The following VPS13B variants were observed in gnomAD, a reference collection of about 807,000 sequenced individuals.
The protein encoded by VPS13B is vacuolar protein sorting 13 homolog B.
VPS13B carries 285 observed loss-of-function variants against 426.4 expected under a neutral mutation model. That is an observed-to-expected ratio of 0.67 (90% CI 0.61 to 0.74). VPS13B has a LOEUF of 0.74. Ranked by LOEUF, VPS13B falls within the 30% of genes least tolerant of loss-of-function variation. The pLI is 0.00. For synonymous variants in VPS13B, 1,676 were observed against 1,676.4 expected, an observed-to-expected ratio of 1.00 and a Z score of 0.01; for missense variants, 4,537 against 4,782.6, an observed-to-expected ratio of 0.95 and a Z score of 1.51.
chr8:99,744,422 G>A (rs1809954422), intron 39 of VPS13B, among the ~76,000 whole-genome samples: 1 of 152,116 alleles, frequency 6.6e-6, no homozygotes, highest in African/African-American at 2.4e-5. Flanking sequence ...CGATTCCTCA[G>A]GGATCTAGAA....
intron 35 of VPS13B, among the ~76,000 whole-genome samples, chr8:99,690,414 C>T (rs1831604407): frequency 6.6e-6 from 1 of 152,096 alleles, no homozygotes; most frequent in South Asian, 2.1e-4. Context: ...CTTGGTATGA[C>T]ACCAAAAGCA....
At chr8:99,742,880 G>A (rs1809829852) in intron 39 of VPS13B, among the ~76,000 whole-genome samples, 1 of 152,090 alleles carries the variant, frequency 6.6e-6, no homozygotes, top group African/African-American at 2.4e-5. Context: ...TACTGAATGG[G>A]CAAAAACTGG....
chr8:99,337,000 A>G (rs1469024298), intron 19 of VPS13B, among the ~76,000 whole-genome samples: 1 of 152,170 alleles, frequency 6.6e-6, no homozygotes, highest in Non-Finnish European at 1.5e-5. Context: ...TGACCCAGCC[A>G]TCCCATTACT....
At chr8:99,692,077 C>A (rs1320199994) in intron 35 of VPS13B, among the ~76,000 whole-genome samples, 1 of 145,508 alleles carries the variant, frequency 6.9e-6, no homozygotes, top group East Asian at 2.1e-4. Context: ...GACTTAGACT[C>A]CCACACATTA....
intron 19 of VPS13B, among the ~76,000 whole-genome samples, chr8:99,287,696 C>T (rs1819521325): frequency 6.6e-6 from 1 of 151,720 alleles, no homozygotes; most frequent in Admixed American, 6.6e-5. Flanking sequence ...AAGTAAGAAG[C>T]ACAAATGATC....
At chr8:99,422,160 C>G (rs1816413078) in intron 21 of VPS13B, among the ~76,000 whole-genome samples, 1 of 152,138 alleles carries the variant, frequency 6.6e-6, no homozygotes, top group Admixed American at 6.6e-5. Flanking sequence ...ACAAACTTGA[C>G]TATCATCATT....
chr8:99,513,511 T>G (rs1821902949), intron 29 of VPS13B, among the ~76,000 whole-genome samples: 1 of 152,180 alleles, frequency 6.6e-6, no homozygotes, highest in Non-Finnish European at 1.5e-5. Flanking sequence ...ATCTAATTGG[T>G]AGACTTTTTT....
At position 99,434,783 on chromosome 8, in the gene VPS13B, G is replaced by A. The variant is rs368607305; in HGVS notation, c.3210+3119G>A. 2.6e-5 allele frequency among the ~76,000 whole-genome samples: 4 copies of A among 152,186 alleles called. No homozygotes were observed. In the South Asian group the frequency reaches 6.2e-4, roughly 24 times the overall value. Reference sequence around the variant, plus strand: ...GTGTAATTAACTCTTAGCTTGCAGAGTTATGACTCTTTTAGGGATATCAGC... The same window carrying A: ...GTGTAATTAACTCTTAGCTTGCAGAATTATGACTCTTTTAGGGATATCAGC... On this transcript the variant is annotated intron_variant, in intron 22 of 61. Coordinates refer to ENST00000357162, the MANE Select transcript of VPS13B (RefSeq NM_152564.5).
intron 25 of VPS13B, among the ~76,000 whole-genome samples, chr8:99,490,057 T>C (rs180977252): frequency 3.2e-4 from 48 of 152,272 alleles, no homozygotes; most frequent in Middle Eastern, 3.4e-3. Flanking sequence ...AAATAGCTCT[T>C]ATTTTGAGAT....
intron 17 of VPS13B, among the ~76,000 whole-genome samples, chr8:99,254,768 G>C (rs564476339): frequency 6.6e-6 from 1 of 151,982 alleles, no homozygotes; most frequent in South Asian, 2.1e-4. Context: ...TCAGCCTCTT[G>C]AGTAGCTGGG....
chr8:99,372,891 A>G (rs1401156076), intron 19 of VPS13B, among the ~76,000 whole-genome samples: 1 of 152,244 alleles, frequency 6.6e-6, no homozygotes, highest in African/African-American at 2.4e-5. Flanking sequence ...ACTATTTACA[A>G]TAGGAAAGAC....
At chr8:99,221,815 G>A (rs1396291242) in intron 17 of VPS13B, among the ~76,000 whole-genome samples, 1 of 152,124 alleles carries the variant, frequency 6.6e-6, no homozygotes, top group Non-Finnish European at 1.5e-5. Context: ...CTCAGGCCAT[G>A]CTCCTGCCCC....
At chr8:99,359,371 G>A (rs1260239862) in intron 19 of VPS13B, among the ~76,000 whole-genome samples, 1 of 152,048 alleles carries the variant, frequency 6.6e-6, no homozygotes, top group Non-Finnish European at 1.5e-5. Context: ...AATTTGGCTT[G>A]AAAGCAAAAT....
chr8:99,699,898 A>T lies in VPS13B; in HGVS notation c.6420A>T (p.Gly2140=). ...CLLASLSNLN[G]SLSVKATQKV... is the part of the protein sequence containing the mutation. ...TAGCATCTCTCTCAAACCTCAATGGAAGCCTTAGTGTCAAGGCAACACAAA... is the reference window on the plus strand; with the variant it reads ...TAGCATCTCTCTCAAACCTCAATGGTAGCCTTAGTGTCAAGGCAACACAAA... The change falls in exon 36 of 62, where the codon GGA becomes GGT. Residue 2140 remains glycine, a synonymous_variant. Coordinates refer to ENST00000357162, the MANE Select transcript of VPS13B (RefSeq NM_152564.5). 1 of 1,614,072 alleles carries T rather than the reference A, an allele frequency of 6.2e-7. No individual in the cohort carries two copies.
chr8:99,221,577 T>C (rs1815726175), intron 17 of VPS13B, among the ~76,000 whole-genome samples: 3 of 152,228 alleles, frequency 2.0e-5, no homozygotes. Context: ...TACATCTAAA[T>C]GACTATTGCT....
chr8:99,502,885 C>A lies in VPS13B; in HGVS notation c.4092C>A (p.Val1364=). 3.1e-6 allele frequency: 5 copies of A among 1,613,446 alleles called. No homozygotes were observed. The highest frequency in any genetic ancestry group is 4.2e-6 in the Non-Finnish European group (5 of 1,179,676). ...AAGATCTCAGTGCTTCCATAGATGT[C>A]CAGGATGTATATACCAAAGTGAAAT... is the stretch of plus-strand genomic sequence containing the variant. ...ELEDLSASID[V]QDVYTKVKCK... Residue 1364 remains valine, a synonymous_variant, in exon 27 of 62, where the codon GTC becomes GTA. Coordinates refer to ENST00000357162, the MANE Select transcript of VPS13B (RefSeq NM_152564.5).
chr8:99,032,389 A>G (rs912763400), intron 2 of VPS13B, among the ~76,000 whole-genome samples: 3 of 151,776 alleles, frequency 2.0e-5, no homozygotes, highest in Non-Finnish European at 4.4e-5. Context: ...TCATTTTGCT[A>G]TTATTTTCTG....
intron 43 of VPS13B, among the ~76,000 whole-genome samples, chr8:99,791,062 T>C (rs1812514968): frequency 6.6e-6 from 1 of 152,092 alleles, no homozygotes; most frequent in Non-Finnish European, 1.5e-5. Context: ...ACAGTAAGTA[T>C]AGGTTGGCCC....
chr8:99,226,456 C>T (rs143990766), intron 17 of VPS13B, among the ~76,000 whole-genome samples: 192 of 152,174 alleles, frequency 1.3e-3, no homozygotes, highest in African/African-American at 4.2e-3. Context: ...ATTCCACTGA[C>T]GTCCTTTTTT....
Sources: gnomAD v4.1 joint callset for allele counts (sites outside exome capture counted in the v4.1 genomes callset) on GRCh38, gnomAD v4.1.1 for gene constraint, MANE v1.5 for transcripts, NCBI Gene and HGNC (gene_info 2026-07-23, HGNC 2026-07-21) for gene names.